Variants in CNTN6 observed in about 807,000 individuals in gnomAD.
CNTN6 encodes contactin-6.
A neutral mutation model predicts 122.8 loss-of-function variants in CNTN6; 137 were observed. The observed-to-expected ratio is 1.12, with a 90% CI of 0.97 to 1.29. The LOEUF (loss-of-function observed/expected upper bound fraction) is 1.29, where lower values mean the gene tolerates loss of function less well. Among genes scored for constraint, CNTN6 ranks in the 50% most tolerant of loss-of-function variants. The pLI, the probability that CNTN6 is intolerant of heterozygous loss-of-function variation, is 0.00. For synonymous variants in CNTN6, 570 were observed against 426.0 expected, an observed-to-expected ratio of 1.34 and a Z score of -4.16; for missense variants, 1,634 against 1,223.4, an observed-to-expected ratio of 1.34 and a Z score of -5.01.
At chr3:1,268,317 TAG>T (rs888856482) in intron 4 of CNTN6, among the ~76,000 whole-genome samples, 2 of 152,082 alleles carry the variant, frequency 1.3e-5, no homozygotes, top group African/African-American at 4.8e-5. Context: ...TGGCATAAAA[TAG>T]AGAGTGGGCT....
chr3:1,169,250 T>G (rs1358665410), intron 2 of CNTN6, among the ~76,000 whole-genome samples: 1 of 152,240 alleles, frequency 6.6e-6, no homozygotes, highest in Non-Finnish European at 1.5e-5. Flanking sequence ...TTAAATGTTC[T>G]TTCTAAATAC....
intron 2 of CNTN6, among the ~76,000 whole-genome samples, chr3:1,179,412 A>C (rs1575137942): frequency 6.6e-6 from 1 of 152,124 alleles, no homozygotes; most frequent in Admixed American, 6.6e-5. Flanking sequence ...GAGGCTTTTC[A>C]GCCCGGGAGC....
intron 4 of CNTN6, among the ~76,000 whole-genome samples, chr3:1,247,545 C>T (rs1232015513): frequency 2.0e-5 from 3 of 152,026 alleles, no homozygotes; most frequent in African/African-American, 7.2e-5. Flanking sequence ...GCCATGAGAT[C>T]CAATCCATTA....
chr3:1,165,288 C>T (rs369957397), intron 2 of CNTN6, among the ~76,000 whole-genome samples: 1 of 152,272 alleles, frequency 6.6e-6, no homozygotes, highest in African/African-American at 2.4e-5. Flanking sequence ...TTGCGGAAGA[C>T]TCTGCAATCC....
intron 7 of CNTN6, among the ~76,000 whole-genome samples, chr3:1,298,533 A>C (rs1228263456): frequency 2.6e-5 from 4 of 152,214 alleles, no homozygotes; most frequent in Non-Finnish European, 5.9e-5. Context: ...ATAAGTATTT[A>C]TTAGGAACAG....
intron 1 of CNTN6, among the ~76,000 whole-genome samples, chr3:1,114,000 A>G (rs528068567): frequency 6.6e-6 from 1 of 152,334 alleles, no homozygotes; most frequent in Admixed American, 6.5e-5. Context: ...TTTCGTGCAC[A>G]GAGGCAGCTA....
At chr3:1,371,136 T>C (rs1708955879) in intron 12 of CNTN6, among the ~76,000 whole-genome samples, 1 of 152,152 alleles carries the variant, frequency 6.6e-6, no homozygotes, top group African/African-American at 2.4e-5. Flanking sequence ...AAACATTCTA[T>C]TGGTAAAATG....
At position 1,373,715 on chromosome 3, in the gene CNTN6, T is replaced by C. The variant is rs1330418846; in HGVS notation, c.1898T>C (p.Ile633Thr). The change falls in exon 15 of 23, where the codon ATT becomes ACT. Residue 633 changes from isoleucine (I) to threonine (T), a missense_variant. Ile to Thr is a moderately conservative substitution (Grantham distance 89). Coordinates refer to ENST00000446702, the MANE Select transcript of CNTN6 (RefSeq NM_001289080.2). ...AACAGTCCCATTCAAATATTTACTA[T>C]TCAGACTCGGACACCATTTTCTGTG... ...DNNSPIQIFT[I>T]QTRTPFSVGW... The C allele has an allele frequency of 6.2e-7, 1 of 1,612,704 alleles. No homozygotes were observed. The highest frequency in any genetic ancestry group is 8.5e-7 in the Non-Finnish European group (1 of 1,179,124).
chr3:1,402,599 T>A (rs1294372638), intron 22 of CNTN6, 113 bp downstream of exon 22: 5 of 898,240 alleles, frequency 5.6e-6, no homozygotes, highest in Non-Finnish European at 6.5e-6. Context: ...ATAAGATAAA[T>A]TTTCAATTGT....
chr3:1,195,527 A>G (rs1173186807), intron 2 of CNTN6, among the ~76,000 whole-genome samples: 3 of 152,168 alleles, frequency 2.0e-5, no homozygotes, highest in African/African-American at 7.2e-5. Context: ...AGTGCTGTGA[A>G]AACACTACCA....
intron 1 of CNTN6, among the ~76,000 whole-genome samples, chr3:1,146,136 G>A (rs538951330): frequency 4.6e-5 from 7 of 151,872 alleles, no homozygotes; most frequent in African/African-American, 7.2e-5. Context: ...CATTCTCCAC[G>A]GTAGCCAGAG....
At chr3:1,329,972 G>A in intron 11 of CNTN6, 37 bp downstream of exon 11, 4 of 1,462,004 alleles carry the variant, frequency 2.7e-6, no homozygotes, top group African/African-American at 1.5e-5. Flanking sequence ...ATTTTTGTTT[G>A]TAATATAACA....
intron 11 of CNTN6, 27 bp from the exon 12 acceptor site, chr3:1,352,297 T>A: frequency 1.3e-6 from 2 of 1,482,384 alleles, no homozygotes; most frequent in Non-Finnish European, 1.8e-6. Flanking sequence ...GAGCCTTACT[T>A]CTATTAATGA....
At chr3:1,394,887 A>G (rs990576910) in intron 20 of CNTN6, among the ~76,000 whole-genome samples, 2 of 152,220 alleles carry the variant, frequency 1.3e-5, no homozygotes, top group African/African-American at 4.8e-5. Context: ...TAAATTAACC[A>G]TGAGTAATTT....
At chr3:1,145,324 G>A (rs1237439035) in intron 1 of CNTN6, among the ~76,000 whole-genome samples, 1 of 152,102 alleles carries the variant, frequency 6.6e-6, no homozygotes, top group African/African-American at 2.4e-5. Flanking sequence ...AAATATTATA[G>A]CCAAAGAAAT....
intron 3 of CNTN6, among the ~76,000 whole-genome samples, chr3:1,226,703 T>C (rs1301104205): frequency 6.6e-6 from 1 of 152,134 alleles, no homozygotes; most frequent in Non-Finnish European, 1.5e-5. Context: ...GTTTTCCTGT[T>C]TTTTAGGATT....
At chr3:1,240,035 A>C (rs2094463378) in intron 4 of CNTN6, among the ~76,000 whole-genome samples, 1 of 152,216 alleles carries the variant, frequency 6.6e-6, no homozygotes, top group Non-Finnish European at 1.5e-5. Flanking sequence ...AGATATATCA[A>C]AGACTAAATA....
chr3:1,179,836 A>C (rs527735575), intron 2 of CNTN6, among the ~76,000 whole-genome samples: 1 of 152,238 alleles, frequency 6.6e-6, no homozygotes, highest in East Asian at 1.9e-4. Context: ...TCTTGCCCCA[A>C]GGTTTTCTAC....
rs754377826 is a variant in CNTN6 at position 1,403,322 on chromosome 3, G to T, written c.2991G>T (p.Leu997Phe). 1.3e-6 allele frequency: 2 copies of T among 1,598,722 alleles called. No individual in the cohort carries two copies. Among genetic ancestry groups the T allele is most frequent in the Non-Finnish European group, 1.7e-6 (2 of 1,170,730 alleles). The change falls in exon 23 of 23, where the codon TTG becomes TTT. Residue 997 changes from leucine (L) to phenylalanine (F), a missense_variant. Coordinates refer to ENST00000446702, the MANE Select transcript of CNTN6 (RefSeq NM_001289080.2). Reference protein sequence around the residue: ...EEIRIPKMSSLSSRGIQFLEP... With the variant: ...EEIRIPKMSSFSSRGIQFLEP... ...TCTTATTTTTATATTTTGCAGGTTT[G>T]AGTTCCAGAGGAATTCAATTCTTAG...
Sources: gnomAD v4.1 joint callset for allele counts (sites outside exome capture counted in the v4.1 genomes callset) on GRCh38, gnomAD v4.1.1 for gene constraint, MANE v1.5 for transcripts, NCBI Gene and HGNC (gene_info 2026-07-23, HGNC 2026-07-21) for gene names.